Variants in EVL observed in about 807,000 individuals in gnomAD.
EVL encodes Enah/Vasp-like.
In EVL, 21 loss-of-function variants were observed where a neutral mutation model predicts 59.6. That is an observed-to-expected ratio of 0.35 (90% CI 0.25 to 0.51). EVL has a LOEUF of 0.51. Ranked by LOEUF, EVL falls within the 20% of genes least tolerant of loss-of-function variation. EVL has a pLI of 0.97. For synonymous variants in EVL, 198 were observed against 203.5 expected (o/e 0.97, Z 0.23); for missense variants, 462 against 546.6 (o/e 0.85, Z 1.54).
intron 1 of EVL, among the ~76,000 whole-genome samples, chr14:100,077,690 C>G (rs1041644435): frequency 4.6e-5 from 7 of 152,210 alleles, no homozygotes; most frequent in Non-Finnish European, 1.0e-4. Context: ...AGACTTACCA[C>G]ATCAGAATCT....
chr14:100,033,785 T>G (rs2061348009), intron 1 of EVL, among the ~76,000 whole-genome samples: 1 of 152,158 alleles, frequency 6.6e-6, no homozygotes, highest in Non-Finnish European at 1.5e-5. Context: ...ATATGCTGGT[T>G]TAAAAACTTA....
rs1286832456 is a variant in EVL, at chr14:100,130,642, C to T, written c.839+958C>T. Among the ~76,000 whole-genome samples the T allele has an allele frequency of 2.0e-5, 3 of 152,338 alleles. No homozygotes were observed. The highest frequency in any genetic ancestry group is 2.1e-4 in the South Asian group (1 of 4,826). On this transcript the variant is annotated intron_variant, in intron 7 of 13. Coordinates refer to ENST00000392920, the MANE Select transcript of EVL (RefSeq NM_016337.3). This position sits in a 1 kb window ranked among gnomAD's most constrained non-coding sequence, Gnocchi z 4.8. ...GTCCTAGTTCCTCTCATTACCTTCC[C>T]GTGGCTCCATGAGGATGATGCGAGA...
intron 1 of EVL, among the ~76,000 whole-genome samples, chr14:99,975,657 C>T (rs1056727651): frequency 1.3e-5 from 2 of 152,176 alleles, no homozygotes; most frequent in African/African-American, 4.8e-5. Context: ...GCACAGTTCA[C>T]AATAGGGTTC....
chr14:100,051,487 G>A (rs1275342951), intron 1 of EVL, among the ~76,000 whole-genome samples: 1 of 152,174 alleles, frequency 6.6e-6, no homozygotes, highest in African/African-American at 2.4e-5. Flanking sequence ...CTATTTGTCT[G>A]ATATTAAAAT....
intron 1 of EVL, among the ~76,000 whole-genome samples, chr14:99,988,194 G>A (rs1041331730): frequency 1.3e-5 from 2 of 151,994 alleles, no homozygotes; most frequent in Admixed American, 1.3e-4. Flanking sequence ...GGGATTACAG[G>A]TGTGAGCCGC....
chr14:100,083,145 C>T (rs953376908), intron 1 of EVL, among the ~76,000 whole-genome samples: 2 of 152,184 alleles, frequency 1.3e-5, no homozygotes, highest in African/African-American at 4.8e-5. Flanking sequence ...TTTAATAAAA[C>T]CCATGTTTTG....
chr14:100,101,015 G>C (rs914630904), intron 3 of EVL, among the ~76,000 whole-genome samples: 1 of 152,022 alleles, frequency 6.6e-6, no homozygotes, highest in African/African-American at 2.4e-5. Flanking sequence ...TCGCATGCTT[G>C]TCCAGTTATT....
chr14:100,100,647 C>T (rs549116046), intron 3 of EVL, among the ~76,000 whole-genome samples: 1 of 152,062 alleles, frequency 6.6e-6, no homozygotes, highest in East Asian at 1.9e-4. Flanking sequence ...GGCTTGTTGG[C>T]ATGTGTCTGT....
intron 1 of EVL, among the ~76,000 whole-genome samples, chr14:100,057,641 G>C (rs776488367): frequency 1.6e-4 from 24 of 152,154 alleles, no homozygotes; most frequent in Non-Finnish European, 3.2e-4. Context: ...GAAAGGAAAA[G>C]GCAACTTTTA....
intron 1 of EVL, among the ~76,000 whole-genome samples, chr14:100,042,273 G>A (rs569945296): frequency 1.3e-5 from 2 of 152,218 alleles, no homozygotes; most frequent in Admixed American, 1.3e-4. Flanking sequence ...GCTACCAAAG[G>A]CTACCAAATT....
chr14:100,025,379 C>T (rs1313093094), intron 1 of EVL, among the ~76,000 whole-genome samples: 2 of 152,206 alleles, frequency 1.3e-5, no homozygotes, highest in African/African-American at 4.8e-5. Context: ...CACTGACAGT[C>T]TCTGCCTGGA....
In EVL at chr14:100,143,860, G is replaced by A. The variant is rs1364357178; in HGVS notation, c.*122G>A. 2.7e-5 allele frequency: 32 copies of A among 1,189,606 alleles called. No individual in the cohort carries two copies. In the Admixed American group the frequency reaches 6.6e-4, roughly 25 times the overall value. 73.7% of individuals were successfully genotyped at this position (1,189,606 alleles called of 1,614,324 possible). On this transcript the variant is annotated 3_prime_UTR_variant, in exon 14 of 14. Transcript: ENST00000392920. The stretch of plus-strand genomic sequence containing the variant: ...CACAGGAGCCTGGGCGCGCTGCTGT[G>A]AAACGTCCTGACCTGTGATCACACA...
At chr14:100,043,639 G>T (rs531097634) in intron 1 of EVL, among the ~76,000 whole-genome samples, 52 of 148,328 alleles carry the variant, frequency 3.5e-4, no homozygotes, top group Middle Eastern at 3.5e-3. Flanking sequence ...TAGAGACAGG[G>T]TCTCACTCTG....
chr14:100,057,360 TC>T (rs1301931560), intron 1 of EVL, among the ~76,000 whole-genome samples: 2 of 152,130 alleles, frequency 1.3e-5, no homozygotes, highest in Non-Finnish European at 2.9e-5. Flanking sequence ...CATATTACAG[TC>T]CCCCTAAGAG....
rs150600830 is a variant in EVL, at chr14:100,127,852, C to T, written c.488-667C>T. 6.6e-6 allele frequency among the ~76,000 whole-genome samples: 1 copy of T among 152,336 alleles called. No homozygotes were observed. Among genetic ancestry groups the T allele is most frequent in the East Asian group, 1.9e-4 (1 of 5,190 alleles). On this transcript the variant is annotated intron_variant, in intron 5 of 13. Transcript: ENST00000392920. This position sits in a 1 kb window ranked among gnomAD's most constrained non-coding sequence, Gnocchi z 4.2. Reference sequence around the variant, plus strand: ...TCAGCTTGCCACAGTCCTCCATCTGCGTTTACCTCTGCGATTCGTTGACTG... The same window carrying T: ...TCAGCTTGCCACAGTCCTCCATCTGTGTTTACCTCTGCGATTCGTTGACTG...
At chr14:100,047,987 A>G (rs2061581805) in intron 1 of EVL, among the ~76,000 whole-genome samples, 2 of 152,246 alleles carry the variant, frequency 1.3e-5, no homozygotes, top group Non-Finnish European at 2.9e-5. Context: ...TGGTTCATAA[A>G]TCTGAATATA....
chr14:100,129,858 C>T (rs925748602), intron 7 of EVL, among the ~76,000 whole-genome samples, 174 bp downstream of exon 7: 5 of 152,252 alleles, frequency 3.3e-5, no homozygotes, highest in African/African-American at 9.6e-5. Context: ...GTCTGAAGCG[C>T]AAGCCCACAG....
chr14:100,014,828 C>T (rs2061039079), intron 1 of EVL, among the ~76,000 whole-genome samples: 1 of 152,100 alleles, frequency 6.6e-6, no homozygotes, highest in African/African-American at 2.4e-5. Context: ...GAGAAATGGG[C>T]CTCTGAAGAC....
chr14:100,095,620 G>C (rs970642154), intron 2 of EVL, among the ~76,000 whole-genome samples: 5 of 152,058 alleles, frequency 3.3e-5, no homozygotes, highest in Non-Finnish European at 7.4e-5. Flanking sequence ...CTGGCACAAA[G>C]AGCAAAAAAA....
Sources: gnomAD v4.1 joint callset for allele counts (sites outside exome capture counted in the v4.1 genomes callset) on GRCh38, gnomAD v4.1.1 for gene constraint, Gnocchi (gnomAD v3.1) non-coding constraint, MANE v1.5 for transcripts, NCBI Gene and HGNC (gene_info 2026-07-23, HGNC 2026-07-21) for gene names.